PCDHGA4: variants seen among roughly 807,000 people sequenced by gnomAD.
The protein encoded by PCDHGA4 is protocadherin gamma-A4.
PCDHGA4 carries 38 observed loss-of-function variants against 54.6 expected under a neutral mutation model. That is an observed-to-expected ratio of 0.70 (90% CI 0.54 to 0.91). PCDHGA4 has a LOEUF of 0.91. Ranked by LOEUF, PCDHGA4 falls within the 40% of genes least tolerant of loss-of-function variation. PCDHGA4 has a pLI of 0.00. For missense variants in PCDHGA4, 1,298 were observed against 1,220.9 expected (o/e 1.06, Z -0.94); for synonymous variants, 511 against 512.9 (o/e 1.00, Z 0.05).
chr5:141,404,840 C>G lies in PCDHGA4; in HGVS notation c.2514+47219C>G, dbSNP rs377389968. ...GCACACAGGTGAAGTGCGCACAGCT[C>G]GGGCCCTGCTAGATAGAGATGCGCT... is the stretch of plus-strand genomic sequence containing the variant. On this transcript the variant is annotated intron_variant, in intron 1 of 3. Transcript: ENST00000571252. 4 of 1,613,698 alleles carry G rather than the reference C, an allele frequency of 2.5e-6. No individual in the cohort carries two copies. In the Admixed American group the frequency reaches 5.0e-5, roughly 20 times the overall value.
In PCDHGA4 at chr5:141,374,709, G is replaced by T. The variant is rs774211225; in HGVS notation, c.2514+17088G>T. 6.8e-6 allele frequency: 11 copies of T among 1,608,934 alleles called. No individual in the cohort carries two copies. The African/African-American group carries it at 8.0e-5, about 12-fold the overall frequency. On this transcript the variant is annotated intron_variant, in intron 1 of 3. Coordinates refer to ENST00000571252, the MANE Select transcript of PCDHGA4 (RefSeq NM_018917.4). ...GACCGGGAAGGAGAAGCCGTTTACC[G>T]CCTGGTCCTTACTGCCATGGATGGC...
intron 1 of PCDHGA4, among the ~76,000 whole-genome samples, chr5:141,463,706 A>T (rs568865377): frequency 2.9e-3 from 440 of 152,024 alleles, no homozygotes; most frequent in Non-Finnish European, 4.6e-3. Context: ...TCGGCCTCCA[A>T]AAGTGCTGGG....
Position 141,432,485 on chromosome 5 carries a change from G to C in PCDHGA4, c.2515-62322G>C. 6.2e-7 allele frequency: 1 copy of C among 1,614,186 alleles called. No individual in the cohort carries two copies. The highest frequency in any genetic ancestry group is 8.5e-7 in the Non-Finnish European group (1 of 1,180,040). On this transcript the variant is annotated intron_variant, in intron 1 of 3. Coordinates refer to ENST00000571252, the MANE Select transcript of PCDHGA4 (RefSeq NM_018917.4). The surrounding 1 kb of genome is among the most constrained non-coding windows in gnomAD (Gnocchi z 6.0). ...CCCCACGGACGGTTCCACTGGCGTG[G>C]AGCTGGCTCCCCGCTCCGCAGAGCC...
intron 1 of PCDHGA4, chr5:141,419,658 A>C: frequency 1.9e-6 from 3 of 1,612,782 alleles, no homozygotes; most frequent in Non-Finnish European, 2.5e-6. Context: ...GACTCGGGGC[A>C]CAATGCCTGG....
chr5:141,410,287 C>T (rs1277233674), intron 1 of PCDHGA4: 1 of 1,614,018 alleles, frequency 6.2e-7, no homozygotes, highest in East Asian at 2.2e-5. Context: ...TGGTGGTGGC[C>T]TTGGCCTTAA....
Position 141,355,411 on chromosome 5 carries a change from A to AG in PCDHGA4, c.306dup (p.Thr103AspfsTer18), listed in dbSNP as rs1229708601. ...CGGAGTCCGCATCGTCTCCAGAGGT[A>AG]GGACGCAGCTTTTCGCCCTGAACCC... On this transcript the variant is annotated frameshift_variant, in exon 1 of 4. Transcript: ENST00000571252. LOFTEE classifies it high-confidence loss of function. 6.2e-7 allele frequency: 1 copy of AG among 1,613,986 alleles called. No individual in the cohort carries two copies. Among genetic ancestry groups the AG allele is most frequent in the Non-Finnish European group, 8.5e-7 (1 of 1,179,940 alleles).
At position 141,403,226 on chromosome 5, in the gene PCDHGA4, CG is replaced by C. The variant is rs539681713; in HGVS notation, c.2514+45608del. On this transcript the variant is annotated intron_variant, in intron 1 of 3. Transcript: ENST00000571252. Reference sequence around the variant, plus strand: ...CTTGGTCACCGCGGGTAGGATAGACCGGGAGGAGCTCTGTGCTCAGAGCCCG... The same window carrying C: ...CTTGGTCACCGCGGGTAGGATAGACCGGAGGAGCTCTGTGCTCAGAGCCCG... 1.5e-3 allele frequency: 2,492 copies of C among 1,613,926 alleles called. 3 individuals are homozygous for C. The highest frequency in any genetic ancestry group is 1.8e-3 in the Non-Finnish European group (2,143 of 1,179,902).
rs1160304959 is a variant in PCDHGA4, at chr5:141,490,969, C to A, written c.2515-3838C>A. On this transcript the variant is annotated intron_variant, in intron 1 of 3. Coordinates refer to ENST00000571252, the MANE Select transcript of PCDHGA4 (RefSeq NM_018917.4). This position sits in a 1 kb window ranked among gnomAD's most constrained non-coding sequence, Gnocchi z 5.4. ...GCCAGACTGGGAACACTCAGCCCCC[C>A]AGCGTCTCCCTCGCTCTGCTCCTCC... The A allele has an allele frequency of 2.5e-6, 4 of 1,613,820 alleles. No individual in the cohort carries two copies. In the African/African-American group the frequency reaches 4.0e-5, roughly 16 times the overall value.
In PCDHGA4 at chr5:141,366,063, C is replaced by A. The variant is rs775871309; in HGVS notation, c.2514+8442C>A. ...GACGGTTCCACGGGCGTGGAGCTGG[C>A]GCCTCGCTCCGCAGAACCTGGCTAC... is the stretch of plus-strand genomic sequence containing the variant. On this transcript the variant is annotated intron_variant, in intron 1 of 3. Coordinates refer to ENST00000571252, the MANE Select transcript of PCDHGA4 (RefSeq NM_018917.4). 90 of 1,614,128 alleles carry A rather than the reference C, an allele frequency of 5.6e-5. No homozygotes were observed. The highest frequency in any genetic ancestry group is 7.3e-5 in the Non-Finnish European group (86 of 1,180,056).
chr5:141,421,246 C>T (rs1047768415), intron 1 of PCDHGA4: 16 of 1,603,622 alleles, frequency 1.0e-5, no homozygotes, highest in Admixed American at 1.7e-5. Flanking sequence ...TCGGCTACAG[C>T]GCGGGGACCG....
intron 1 of PCDHGA4, chr5:141,366,971 C>T (rs1764884067): frequency 3.5e-6 from 2 of 572,978 alleles, no homozygotes; most frequent in Admixed American, 7.6e-5. Flanking sequence ...GAAACAAATA[C>T]CTTAAAGGAA....
rs1221295650 is a variant in PCDHGA4 at position 141,489,576 on chromosome 5, C to A, written c.2515-5231C>A. 3 of 1,613,936 alleles carry A rather than the reference C, an allele frequency of 1.9e-6. No individual in the cohort carries two copies. Among genetic ancestry groups the A allele is most frequent in the Non-Finnish European group, 2.5e-6 (3 of 1,179,984 alleles). ...TGCCAGTGCAGGTGGTGACTGAACA[C>A]CCCCTGGAGCTAATCCGTGTAGAGG... On this transcript the variant is annotated intron_variant, in intron 1 of 3. Transcript: ENST00000571252. This position sits in a 1 kb window ranked among gnomAD's most constrained non-coding sequence, Gnocchi z 4.5.
chr5:141,395,525 G>A, intron 1 of PCDHGA4: 2 of 384,022 alleles, frequency 5.2e-6, no homozygotes, highest in Non-Finnish European at 9.3e-6. Flanking sequence ...CGTCCATACT[G>A]GTAATTTTGC....
intron 1 of PCDHGA4, chr5:141,364,629 CACT>C: frequency 6.2e-7 from 1 of 1,614,142 alleles, no homozygotes; most frequent in Non-Finnish European, 8.5e-7. Context: ...GCTCAGAGCC[CACT>C]GTGTGTGGTG....
chr5:141,373,110 T>C (rs878923875), intron 1 of PCDHGA4, among the ~76,000 whole-genome samples: 8 of 152,232 alleles, frequency 5.3e-5, no homozygotes, highest in African/African-American at 1.9e-4. Flanking sequence ...GACATATCTA[T>C]CCAGAATTAG....
intron 1 of PCDHGA4, among the ~76,000 whole-genome samples, chr5:141,467,727 T>C (rs1562013145): frequency 6.6e-6 from 1 of 152,046 alleles, no homozygotes; most frequent in African/African-American, 2.4e-5. Flanking sequence ...AGTGGCACAA[T>C]CCCAGCTCGC....
chr5:141,432,960 G>C lies in PCDHGA4; in HGVS notation c.2515-61847G>C. ...CAGGCTTCAGGAGGCGGCTTGACAG[G>C]AGCGCCGGCGTCGCACTTTGTGGGC... On this transcript the variant is annotated intron_variant, in intron 1 of 3. Transcript: ENST00000571252. This position sits in a 1 kb window ranked among gnomAD's most constrained non-coding sequence, Gnocchi z 6.0. The C allele has an allele frequency of 2.5e-6, 4 of 1,614,188 alleles. No homozygotes were observed. The highest frequency in any genetic ancestry group is 3.4e-6 in the Non-Finnish European group (4 of 1,180,034).
rs767400679 is a variant in PCDHGA4, at chr5:141,476,863, C to T, written c.2515-17944C>T. 2.2e-5 allele frequency: 35 copies of T among 1,613,740 alleles called. No individual in the cohort carries two copies. Among genetic ancestry groups the T allele is most frequent in the Non-Finnish European group, 2.8e-5 (33 of 1,180,062 alleles). On this transcript the variant is annotated intron_variant, in intron 1 of 3. Coordinates refer to ENST00000571252, the MANE Select transcript of PCDHGA4 (RefSeq NM_018917.4). The surrounding 1 kb of genome is among the most constrained non-coding windows in gnomAD (Gnocchi z 7.6). ...CGCCTGTCTTCAACCAGTCCTTGTA[C>T]CGGGCGCGCGTCCTGGAGGATGCAC...
At chr5:141,409,227 A>G (rs2095244126) in intron 1 of PCDHGA4, 1 of 1,613,922 alleles carries the variant, frequency 6.2e-7, no homozygotes, top group African/African-American at 1.3e-5. Flanking sequence ...GATGAAAACG[A>G]CAACAGCCCA....
Sources: gnomAD v4.1 joint callset for allele counts (sites outside exome capture counted in the v4.1 genomes callset) on GRCh38, gnomAD v4.1.1 for gene constraint, Gnocchi (gnomAD v3.1) non-coding constraint, MANE v1.5 for transcripts, NCBI Gene and HGNC (gene_info 2026-07-23, HGNC 2026-07-21) for gene names.